Variants in FNIP2 observed in about 807,000 individuals in gnomAD.
FNIP2 encodes folliculin-interacting protein 2.
A neutral mutation model predicts 108.7 loss-of-function variants in FNIP2; 32 were observed. The ratio of observed to expected loss-of-function variants is 0.29; its 90% confidence interval spans 0.22 to 0.40. The LOEUF is 0.40. Ranked by LOEUF, FNIP2 falls within the 10% of genes least tolerant of loss-of-function variation. The pLI, the probability that FNIP2 is intolerant of heterozygous loss-of-function variation, is 1.00. For missense variants in FNIP2, 1,202 were observed against 1,381.6 expected (o/e 0.87, Z 2.06); for synonymous variants, 480 against 496.7 (o/e 0.97, Z 0.45).
At chr4:158,857,509 C>T (rs987995934) in intron 8 of FNIP2, among the ~76,000 whole-genome samples, 1 of 152,192 alleles carries the variant, frequency 6.6e-6, no homozygotes, top group African/African-American at 2.4e-5. Context: ...TATAACAGCA[C>T]CATGTGCCAT....
intron 1 of FNIP2, among the ~76,000 whole-genome samples, chr4:158,786,046 C>G (rs1578821848): frequency 6.6e-6 from 1 of 152,268 alleles, no homozygotes; most frequent in Non-Finnish European, 1.5e-5. Context: ...AACTCATTTG[C>G]CATCTGTCTC....
intron 1 of FNIP2, among the ~76,000 whole-genome samples, chr4:158,793,657 T>C (rs916506109): frequency 5.3e-5 from 8 of 152,358 alleles, no homozygotes; most frequent in Middle Eastern, 3.4e-3. Flanking sequence ...CGAATGAGCA[T>C]ACTTATGGTT....
At chr4:158,883,342 C>T (rs546145395) in intron 14 of FNIP2, among the ~76,000 whole-genome samples, 6 of 152,134 alleles carry the variant, frequency 3.9e-5, no homozygotes, top group East Asian at 1.9e-4. Context: ...CCTGGGTTCA[C>T]GCCATTCTCC....
At chr4:158,806,151 C>T in intron 1 of FNIP2, 1 of 1,228,044 alleles carries the variant, frequency 8.1e-7, no homozygotes, top group South Asian at 1.4e-5. Context: ...CTGGTCATTA[C>T]AGAATGTTCC....
chr4:158,860,659 T>C (rs1304917429), intron 10 of FNIP2, among the ~76,000 whole-genome samples: 1 of 148,892 alleles, frequency 6.7e-6, no homozygotes, highest in Non-Finnish European at 1.5e-5. Context: ...TCCCACTTTT[T>C]TTTTTTTTTT....
In FNIP2 at chr4:158,769,279, T is replaced by C; in HGVS notation, c.67T>C (p.Ser23Pro). 6.5e-7 allele frequency: 1 copy of C among 1,542,252 alleles called. No individual in the cohort carries two copies. Residue 23 changes from serine (S) to proline (P), a missense_variant, in exon 1 of 17, where the codon TCT (serine) becomes CCT (proline). This residue lies in a region of FNIP2 where 173 missense variants were observed against 165.9 expected (regional missense o/e 1.04). Coordinates refer to ENST00000264433, the MANE Select transcript of FNIP2 (RefSeq NM_020840.3). ...RGSSGSSAAASAQGRAPKEGP... is the reference protein window; with the variant it reads ...RGSSGSSAAAPAQGRAPKEGP... The stretch of plus-strand genomic sequence containing the variant: ...CAGCAGCGGCAGCTCCGCGGCGGCG[T>C]CTGCCCAGGGCAGGGCTCCTAAGGA...
Position 158,859,136 on chromosome 4 carries a change from A to C in FNIP2, c.937A>C (p.Ile313Leu). 1 of 1,614,030 alleles carries C rather than the reference A, an allele frequency of 6.2e-7. No homozygotes were observed. The highest frequency in any genetic ancestry group is 1.1e-5 in the South Asian group (1 of 91,084). ...PAMVRRKKIA[I>L]SIIFSLCEKE... Reference sequence around the variant, plus strand: ...TATGGTTAGGAGGAAGAAAATTGCCATAAGCATCATCTTTTCCCTATGTGA... The same window carrying C: ...TATGGTTAGGAGGAAGAAAATTGCCCTAAGCATCATCTTTTCCCTATGTGA... Residue 313 changes from isoleucine (I) to leucine (L), a missense_variant, in exon 9 of 17, where the codon ATA becomes CTA. Physicochemically the swap from Ile to Leu is conservative, Grantham distance 5. This residue lies in a region of FNIP2 where 878 missense variants were observed against 990.3 expected (regional missense o/e 0.89). Coordinates refer to ENST00000264433, the MANE Select transcript of FNIP2 (RefSeq NM_020840.3).
chr4:158,859,397 TG>T, intron 9 of FNIP2, 139 bp downstream of exon 9: 1 of 1,102,638 alleles, frequency 9.1e-7, no homozygotes, highest in South Asian at 1.6e-5. Flanking sequence ...TTAGGCATGT[TG>T]ATGTTAGTTA....
chr4:158,861,551 G>A, intron 11 of FNIP2, 56 bp from the exon 12 acceptor site: 2 of 1,613,648 alleles, frequency 1.2e-6, no homozygotes, highest in South Asian at 2.2e-5. Context: ...TACTGCATAG[G>A]ATGTGCCTCT....
At chr4:158,781,046 A>G (rs1259633677) in intron 1 of FNIP2, among the ~76,000 whole-genome samples, 1 of 152,090 alleles carries the variant, frequency 6.6e-6, no homozygotes, top group East Asian at 1.9e-4. Context: ...AAAAAAAAAA[A>G]AAAAGAAAAA....
chr4:158,843,795 G>T (rs1451225877), intron 7 of FNIP2, among the ~76,000 whole-genome samples: 8 of 152,188 alleles, frequency 5.3e-5, no homozygotes, highest in Non-Finnish European at 1.2e-4. Flanking sequence ...ATTTTGATGG[G>T]ATTGTTTCCA....
chr4:158,865,366 T>C (rs1331763790), intron 12 of FNIP2, among the ~76,000 whole-genome samples: 1 of 152,206 alleles, frequency 6.6e-6, no homozygotes, highest in Non-Finnish European at 1.5e-5. Context: ...AGTAAATATT[T>C]AATATTATGG....
In FNIP2 at chr4:158,861,327, C is replaced by T. The variant is rs1780281106; in HGVS notation, c.1149-15C>T. 1.2e-6 allele frequency: 2 copies of T among 1,601,850 alleles called. No individual in the cohort carries two copies. Among genetic ancestry groups the T allele is most frequent in the Non-Finnish European group, 1.7e-6 (2 of 1,175,972 alleles). On this transcript the variant is annotated splice_polypyrimidine_tract_variant and intron_variant, in intron 10 of 16. Transcript: ENST00000264433. Reference sequence around the variant, plus strand: ...TTCTGACACTTTTGTGTTTCCCTCTCTTTCTGTTCTATAGAGGAACTATCT... The same window carrying T: ...TTCTGACACTTTTGTGTTTCCCTCTTTTTCTGTTCTATAGAGGAACTATCT...
rs902605473 is a variant in FNIP2 at position 158,907,317 on chromosome 4, G to A, written c.*2773G>A. 18 of 151,968 alleles carry A rather than the reference G, an allele frequency of 1.2e-4. No individual in the cohort carries two copies. The highest frequency in any genetic ancestry group is 3.2e-3 in the Middle Eastern group (1 of 316). The allele number at this position is 151,968 out of a possible 1,614,324, so 9.4% of individuals were successfully genotyped here. On this transcript the variant is annotated 3_prime_UTR_variant, in exon 17 of 17. Coordinates refer to ENST00000264433, the MANE Select transcript of FNIP2 (RefSeq NM_020840.3). ...TTGTACAGGCTTCAATCCATTTTTC[G>A]AAGTGTGCTGTTTTTTAATGAAAGT... is the stretch of plus-strand genomic sequence containing the variant.
intron 5 of FNIP2, among the ~76,000 whole-genome samples, chr4:158,832,973 A>T (rs1204387208): frequency 6.6e-6 from 1 of 152,242 alleles, no homozygotes; most frequent in Non-Finnish European, 1.5e-5. Context: ...ACAATAAATT[A>T]TTAAAATCTG....
intron 1 of FNIP2, among the ~76,000 whole-genome samples, chr4:158,785,261 T>G (rs2126436617): frequency 6.6e-6 from 1 of 152,014 alleles, no homozygotes; most frequent in East Asian, 1.9e-4. Context: ...ATTTTTGTAT[T>G]TTTTAGTAGA....
intron 14 of FNIP2, among the ~76,000 whole-genome samples, chr4:158,879,842 A>G (rs1781485454): frequency 6.6e-6 from 1 of 150,570 alleles, no homozygotes; most frequent in Admixed American, 6.6e-5. Flanking sequence ...ACATGAAAAA[A>G]TGCTCACCAT....
chr4:158,857,365 C>G (rs776672795), intron 8 of FNIP2, among the ~76,000 whole-genome samples: 1 of 152,142 alleles, frequency 6.6e-6, no homozygotes, highest in African/African-American at 2.4e-5. Flanking sequence ...AGTGCCAGTA[C>G]CTTGGTAAAG....
intron 1 of FNIP2, among the ~76,000 whole-genome samples, chr4:158,822,391 C>T (rs914471498): frequency 1.3e-5 from 2 of 152,120 alleles, no homozygotes; most frequent in African/African-American, 4.8e-5. Flanking sequence ...ACCCTGTTGC[C>T]CACAAACGCC....
Sources: allele counts gnomAD v4.1 joint callset (sites outside exome capture counted in the v4.1 genomes callset), GRCh38; gene constraint gnomAD v4.1.1; regional missense constraint gnomAD v4.1.1; transcripts MANE v1.5; gene names NCBI Gene and HGNC (gene_info 2026-07-23, HGNC 2026-07-21).